The following PXDNL variants were observed in gnomAD, a reference collection of about 807,000 sequenced individuals.
PXDNL encodes peroxidasin like.
Under a neutral mutation model 150.8 loss-of-function variants are expected in PXDNL, and 145 were observed. The ratio of observed to expected loss-of-function variants is 0.96; its 90% CI spans 0.84 to 1.10. The LOEUF is 1.10. Among genes scored for constraint, PXDNL ranks in the 50% least tolerant of loss-of-function variants. The pLI, the probability that PXDNL is intolerant of heterozygous loss-of-function variation, is 0.00. For missense variants in PXDNL, 2,087 were observed against 1,873.9 expected (o/e 1.11, Z -2.10); for synonymous variants, 757 against 725.7 (o/e 1.04, Z -0.69).
intron 5 of PXDNL, among the ~76,000 whole-genome samples, chr8:51,493,498 G>C (rs1471750216): frequency 6.6e-6 from 1 of 152,118 alleles, no homozygotes; most frequent in East Asian, 1.9e-4. Context: ...AAAGGAGGAA[G>C]TTCGAACCCA....
At chr8:51,763,320 T>TAAA (rs58440027) in intron 1 of PXDNL, among the ~76,000 whole-genome samples, 24,748 of 141,462 alleles carry the variant, frequency 0.17, 2,388 homozygotes, top group Non-Finnish European at 0.22. Context: ...CTTAAAGTAT[T>TAAA]AAAAAAAAAA....
intron 3 of PXDNL, among the ~76,000 whole-genome samples, chr8:51,585,638 A>G (rs1057052328): frequency 6.6e-5 from 10 of 152,138 alleles, no homozygotes; most frequent in Non-Finnish European, 8.8e-5. Context: ...AGTAGAAGTA[A>G]GTAAGAGCTA....
chr8:51,459,146 A>G (rs1308640878), intron 8 of PXDNL, among the ~76,000 whole-genome samples: 13 of 152,226 alleles, frequency 8.5e-5, no homozygotes. Context: ...ATGTTTTTTC[A>G]AGGCCAGGTG....
intron 1 of PXDNL, among the ~76,000 whole-genome samples, chr8:51,692,386 A>G (rs1160841563): frequency 6.6e-6 from 1 of 152,238 alleles, no homozygotes; most frequent in Non-Finnish European, 1.5e-5. Flanking sequence ...CAGTATCCAC[A>G]TGGGAATTTG....
chr8:51,780,986 AC>A (rs2037409782), intron 1 of PXDNL, among the ~76,000 whole-genome samples: 2 of 151,608 alleles, frequency 1.3e-5, no homozygotes, highest in African/African-American at 2.4e-5. Flanking sequence ...TAGAACACCA[AC>A]CCCATTCATG....
intron 1 of PXDNL, among the ~76,000 whole-genome samples, chr8:51,778,610 T>C (rs2037380613): frequency 1.3e-5 from 2 of 152,176 alleles, no homozygotes; most frequent in South Asian, 2.1e-4. Flanking sequence ...CAGAAGAAGA[T>C]ACAGGCTCCA....
intron 21 of PXDNL, among the ~76,000 whole-genome samples, chr8:51,325,444 C>T (rs1416641530): frequency 6.6e-6 from 1 of 152,146 alleles, no homozygotes; most frequent in African/African-American, 2.4e-5. Context: ...AAGGGGTTCT[C>T]TTCATTACTG....
intron 4 of PXDNL, among the ~76,000 whole-genome samples, chr8:51,523,698 G>A (rs1207361264): frequency 5.9e-5 from 9 of 152,196 alleles, no homozygotes; most frequent in African/African-American, 1.7e-4. Flanking sequence ...TTTTGTAGTT[G>A]CTATCATGGA....
At chr8:51,553,740 T>TTATATATATATATATATATATA (rs747698313) in intron 4 of PXDNL, among the ~76,000 whole-genome samples, 26 of 112,874 alleles carry the variant, frequency 2.3e-4, no homozygotes, top group African/African-American at 1.0e-3. Flanking sequence ...GTGAGGGATT[T>TTATATATATATATATATATATA]TATATATATA....
At chr8:51,701,463 G>C (rs1003390116) in intron 1 of PXDNL, among the ~76,000 whole-genome samples, 1 of 152,120 alleles carries the variant, frequency 6.6e-6, no homozygotes, top group Non-Finnish European at 1.5e-5. Flanking sequence ...AGAGGAGGGT[G>C]AGTTAGAAAT....
At chr8:51,764,893 G>GTA (rs1356901107) in intron 1 of PXDNL, among the ~76,000 whole-genome samples, 3 of 152,140 alleles carry the variant, frequency 2.0e-5, no homozygotes, top group African/African-American at 7.2e-5. Flanking sequence ...CATTATTGAA[G>GTA]TATTGAAGTT....
chr8:51,392,719 A>G (rs1328019048), intron 17 of PXDNL, among the ~76,000 whole-genome samples: 2 of 152,170 alleles, frequency 1.3e-5, no homozygotes, highest in Non-Finnish European at 2.9e-5. Context: ...TTCCTAATTG[A>G]ATACCCTTTA....
intron 3 of PXDNL, among the ~76,000 whole-genome samples, chr8:51,561,963 A>C (rs2130560816): frequency 6.6e-6 from 1 of 152,028 alleles, no homozygotes; most frequent in East Asian, 1.9e-4. Context: ...AAAAATTAAA[A>C]CTACATCCAA....
At chr8:51,684,374 G>A (rs1176842193) in intron 1 of PXDNL, among the ~76,000 whole-genome samples, 1 of 152,194 alleles carries the variant, frequency 6.6e-6, no homozygotes, top group Non-Finnish European at 1.5e-5. Context: ...ATTAATTCCA[G>A]GATAGCCCCC....
intron 4 of PXDNL, among the ~76,000 whole-genome samples, chr8:51,515,436 C>T (rs946917457): frequency 6.6e-6 from 1 of 152,294 alleles, no homozygotes; most frequent in Admixed American, 6.5e-5. Flanking sequence ...AAGTGCCCGG[C>T]ATCCATGTTC....
chr8:51,488,250 A>G (rs753252917), intron 5 of PXDNL, among the ~76,000 whole-genome samples: 2 of 152,176 alleles, frequency 1.3e-5, no homozygotes, highest in Non-Finnish European at 2.9e-5. Flanking sequence ...AATAAAATAC[A>G]TGAGAAAATG....
At position 51,622,276 on chromosome 8, in the gene PXDNL, C is replaced by T. The variant is rs141920251; in HGVS notation, c.237-29578G>A. 4.0e-4 allele frequency among the ~76,000 whole-genome samples: 61 copies of T among 152,164 alleles called. 1 individual carries two copies. In the East Asian group the frequency reaches 0.012, roughly 30 times the overall value. On this transcript the variant is annotated intron_variant, in intron 2 of 22. Transcript: ENST00000356297. ...TGAGTGAGCCTGGAGTAGGTGTTTCCCCAGAGCCTCTGGGTGAGGGCCCAG... is the reference window on the plus strand; with the variant it reads ...TGAGTGAGCCTGGAGTAGGTGTTTCTCCAGAGCCTCTGGGTGAGGGCCCAG...
At chr8:51,549,492 C>G (rs1812435649) in intron 4 of PXDNL, among the ~76,000 whole-genome samples, 1 of 152,036 alleles carries the variant, frequency 6.6e-6, no homozygotes, top group Non-Finnish European at 1.5e-5. Context: ...TCTCTCAGAT[C>G]ACAGGTGAAT....
intron 21 of PXDNL, among the ~76,000 whole-genome samples, chr8:51,335,552 C>G (rs1490119399): frequency 6.6e-6 from 1 of 152,136 alleles, no homozygotes; most frequent in Admixed American, 6.5e-5. Flanking sequence ...ATTAAAACCT[C>G]TCCTATTTGT....
Sources: gnomAD v4.1 joint callset for allele counts (sites outside exome capture counted in the v4.1 genomes callset) on GRCh38, gnomAD v4.1.1 for gene constraint, MANE v1.5 for transcripts, NCBI Gene and HGNC (gene_info 2026-07-23, HGNC 2026-07-21) for gene names.